The following SAMMSON variants were observed in gnomAD, a reference collection of about 807,000 sequenced individuals.
The protein encoded by SAMMSON is long intergenic non-protein coding RNA 1212.
At chr3:70,231,975 C>G (rs571997793) in intron 4 of SAMMSON, among the ~76,000 whole-genome samples, 1 of 152,130 alleles carries the variant, frequency 6.6e-6, no homozygotes, top group African/African-American at 2.4e-5. Flanking sequence ...TTGGGAGCCC[C>G]CAAAGCGTTA....
intron 9 of SAMMSON, among the ~76,000 whole-genome samples, chr3:70,380,241 T>C (rs535615087): frequency 3.9e-5 from 6 of 152,238 alleles, no homozygotes; most frequent in African/African-American, 1.4e-4. Flanking sequence ...CTGATATTAT[T>C]GTTTTGAGAT....
At chr3:70,023,376 G>T (rs1285426721) in intron 3 of SAMMSON, among the ~76,000 whole-genome samples, 3 of 151,936 alleles carry the variant, frequency 2.0e-5, no homozygotes, top group Non-Finnish European at 2.9e-5. Flanking sequence ...CAGGAGAATG[G>T]CGTGAATCCA....
At chr3:70,315,540 A>G (rs1377700748) in intron 7 of SAMMSON, among the ~76,000 whole-genome samples, 1 of 152,164 alleles carries the variant, frequency 6.6e-6, no homozygotes, top group Non-Finnish European at 1.5e-5. Context: ...TCCTGGATCA[A>G]CTTTATATCA....
At chr3:70,063,688 C>T (rs1264321793) in intron 3 of SAMMSON, among the ~76,000 whole-genome samples, 1 of 152,124 alleles carries the variant, frequency 6.6e-6, no homozygotes, top group East Asian at 1.9e-4. Flanking sequence ...AAACTCCTTT[C>T]TGTGAATCAA....
At chr3:70,195,288 A>G (rs1375279518) in intron 4 of SAMMSON, among the ~76,000 whole-genome samples, 1 of 152,190 alleles carries the variant, frequency 6.6e-6, no homozygotes, top group Admixed American at 6.5e-5. Flanking sequence ...TCTGAAAAGC[A>G]GAAAGACTTT....
intron 7 of SAMMSON, among the ~76,000 whole-genome samples, chr3:70,313,488 A>C (rs899544148): frequency 3.9e-5 from 6 of 152,034 alleles, no homozygotes; most frequent in African/African-American, 1.2e-4. Flanking sequence ...AAAGGAAAAA[A>C]AAAAAAGGAA....
At chr3:70,290,749 T>G (rs6549328) in intron 6 of SAMMSON, among the ~76,000 whole-genome samples, 41,986 of 152,008 alleles carry the variant, frequency 0.28, 6,496 homozygotes, top group East Asian at 0.44. Flanking sequence ...CAGGTGCAGG[T>G]TATAATCTCG....
At chr3:70,084,596 G>A (rs1187780078) in intron 4 of SAMMSON, 2 of 152,074 alleles carry the variant, frequency 1.3e-5, no homozygotes. Context: ...CCATGGTTCC[G>A]ACCCTTGTGT....
intron 4 of SAMMSON, among the ~76,000 whole-genome samples, chr3:70,180,524 C>CATAAGAA (rs2106705084): frequency 1.3e-5 from 2 of 152,048 alleles, no homozygotes; most frequent in Non-Finnish European, 2.9e-5. Context: ...AAAACAGAAA[C>CATAAGAA]CTAAGAACTG....
intron 4 of SAMMSON, among the ~76,000 whole-genome samples, chr3:70,103,318 G>T (rs1458167078): frequency 1.3e-5 from 2 of 152,126 alleles, no homozygotes; most frequent in South Asian, 4.2e-4. Context: ...TGTGAATGTG[G>T]AGACCAGATT....
At chr3:70,245,879 A>T (rs904517291) in intron 4 of SAMMSON, among the ~76,000 whole-genome samples, 1 of 151,238 alleles carries the variant, frequency 6.6e-6, no homozygotes, top group African/African-American at 2.4e-5. Context: ...GAGGGCTGCC[A>T]TTGCCAATTT....
chr3:70,279,463 C>T (rs1051718862), intron 6 of SAMMSON, among the ~76,000 whole-genome samples: 1 of 152,072 alleles, frequency 6.6e-6, no homozygotes, highest in Non-Finnish European at 1.5e-5. Flanking sequence ...GTCATTTTCT[C>T]TTCATCCCCT....
At chr3:70,258,888 T>G (rs1701841380) in intron 6 of SAMMSON, among the ~76,000 whole-genome samples, 1 of 152,154 alleles carries the variant, frequency 6.6e-6, no homozygotes, top group Admixed American at 6.5e-5. Flanking sequence ...TTAAATTAAA[T>G]TAAATTTTTC....
intron 9 of SAMMSON, among the ~76,000 whole-genome samples, chr3:70,377,994 T>C (rs147269201): frequency 1.9e-3 from 291 of 152,120 alleles, no homozygotes; most frequent in African/African-American, 5.7e-3. Flanking sequence ...GATGGTGGGA[T>C]TGTTTATTGG....
At position 70,340,397 on chromosome 3, in the gene SAMMSON, T is replaced by A. The variant is rs73837908; in HGVS notation, n.740-13778T>A. Among the ~76,000 whole-genome samples, 193 of 151,564 alleles carry A rather than the reference T, an allele frequency of 1.3e-3. 1 individual carries two copies. The highest frequency in any genetic ancestry group is 4.4e-3 in the African/African-American group (180 of 41,288). ...CATAGAACTAAAGTATATATATATA[T>A]AAAAAAAGCAGGGTATCCTTAGAAA... On this transcript the variant is annotated intron_variant and non_coding_transcript_variant, in intron 7 of 9. Coordinates refer to ENST00000642114, the Ensembl canonical transcript of SAMMSON.
intron 4 of SAMMSON, among the ~76,000 whole-genome samples, chr3:70,092,429 C>T: frequency 7.3e-6 from 1 of 136,604 alleles, no homozygotes; most frequent in Admixed American, 8.0e-5. Context: ...CATCATCTTT[C>T]TTGATCAAAC....
intron 9 of SAMMSON, among the ~76,000 whole-genome samples, chr3:70,379,952 TA>T (rs1215560987): frequency 6.6e-6 from 1 of 152,194 alleles, no homozygotes; most frequent in Non-Finnish European, 1.5e-5. Flanking sequence ...GCAATGGAAG[TA>T]AAACATCTAT....
chr3:70,406,617 T>C (rs1024100968), intron 2 of SAMMSON, among the ~76,000 whole-genome samples: 1 of 152,228 alleles, frequency 6.6e-6, no homozygotes, highest in African/African-American at 2.4e-5. Flanking sequence ...GAAAGTTTTA[T>C]ATTATACATG....
intron 4 of SAMMSON, among the ~76,000 whole-genome samples, chr3:70,171,904 C>G (rs780171815): frequency 3.3e-5 from 5 of 151,834 alleles, no homozygotes; most frequent in Non-Finnish European, 5.9e-5. Context: ...GCTGAAAAAG[C>G]CTCAAGTTGC....
Sources: allele counts gnomAD v4.1 joint callset (sites outside exome capture counted in the v4.1 genomes callset), GRCh38; gene constraint gnomAD v4.1.1; transcripts MANE v1.5; gene names NCBI Gene and HGNC (gene_info 2026-07-23, HGNC 2026-07-21).